The following SUMF1 variants were observed in gnomAD, a reference collection of about 807,000 sequenced individuals.
SUMF1 encodes the protein formylglycine-generating enzyme.
In SUMF1, 48 loss-of-function variants were observed where a neutral mutation model predicts 47.6. The ratio of observed to expected loss-of-function variants is 1.01; its 90% confidence interval spans 0.80 to 1.28. SUMF1 has a LOEUF of 1.28. Among genes scored for constraint, SUMF1 ranks in the 50% most tolerant of loss-of-function variants. The pLI, the probability that SUMF1 is intolerant of heterozygous loss-of-function variation, is 0.00. For synonymous variants in SUMF1, 230 were observed against 192.1 expected, an observed-to-expected ratio of 1.20 and a Z score of -1.63; for missense variants, 571 against 485.4, an observed-to-expected ratio of 1.18 and a Z score of -1.66.
intron 9 of SUMF1, among the ~76,000 whole-genome samples, chr3:4,035,893 C>A (rs1012170649): frequency 2.6e-5 from 4 of 152,116 alleles, no homozygotes; most frequent in Non-Finnish European, 5.9e-5. Flanking sequence ...GTTAGAGACA[C>A]TGCAGTTTAG....
intron 8 of SUMF1, among the ~76,000 whole-genome samples, chr3:4,263,055 A>T (rs1697118910): frequency 6.6e-6 from 1 of 152,148 alleles, no homozygotes; most frequent in Non-Finnish European, 1.5e-5. Context: ...TTTATTTTTT[A>T]AATGGGGGTG....
intron 8 of SUMF1, among the ~76,000 whole-genome samples, chr3:4,230,820 A>C (rs1458908487): frequency 6.6e-6 from 1 of 151,952 alleles, no homozygotes; most frequent in Non-Finnish European, 1.5e-5. Context: ...AACAAAAGAC[A>C]CTCCTATCAC....
intron 8 of SUMF1, among the ~76,000 whole-genome samples, chr3:4,237,017 C>T (rs1421097804): frequency 6.6e-6 from 1 of 152,058 alleles, no homozygotes; most frequent in East Asian, 1.9e-4. Flanking sequence ...AAATTGGCTT[C>T]TTTCACTTAG....
intron 8 of SUMF1, among the ~76,000 whole-genome samples, chr3:4,351,352 G>C (rs866931346): frequency 6.6e-6 from 1 of 152,170 alleles, no homozygotes; most frequent in African/African-American, 2.4e-5. Context: ...CACAGAGTTA[G>C]GAGAAGCAAG....
chr3:4,317,318 C>T, intron 8 of SUMF1: 1 of 913,198 alleles, frequency 1.1e-6, no homozygotes, highest in Admixed American at 2.7e-5. Flanking sequence ...TTTGCACCAA[C>T]CCAATATCTT....
At chr3:4,448,048 A>C (rs573792493) in intron 3 of SUMF1, among the ~76,000 whole-genome samples, 1 of 68,876 alleles carries the variant, frequency 1.5e-5, no homozygotes, top group East Asian at 3.1e-4. Flanking sequence ...TAAAAAAAAA[A>C]GTAGGGCGGA....
chr3:4,299,757 C>G (rs967677259), intron 8 of SUMF1, among the ~76,000 whole-genome samples: 1 of 152,110 alleles, frequency 6.6e-6, no homozygotes, highest in African/African-American at 2.4e-5. Flanking sequence ...TTGCAGTGAG[C>G]CAGGATGGCG....
chr3:4,264,968 T>A (rs943070783), intron 8 of SUMF1, among the ~76,000 whole-genome samples: 1 of 152,016 alleles, frequency 6.6e-6, no homozygotes, highest in East Asian at 1.9e-4. Flanking sequence ...ACCCTATCTC[T>A]ACTAAAAATA....
At chr3:4,077,137 G>T (rs191442879) in intron 8 of SUMF1, among the ~76,000 whole-genome samples, 2 of 152,106 alleles carry the variant, frequency 1.3e-5, no homozygotes, top group Non-Finnish European at 2.9e-5. Context: ...AATGGTGATC[G>T]TTAAAAAGTC....
chr3:4,035,454 G>A lies in SUMF1; in HGVS notation c.1191+33115C>T, dbSNP rs75620266. On this transcript the variant is annotated intron_variant and NMD_transcript_variant, in intron 9 of 12. Coordinates refer to the SUMF1 transcript ENST00000448413. ...TATCATCCTCTTTTGTCTCTTATGA[G>A]AGCATCTGTGATTGGATTAAGATCC... is the stretch of plus-strand genomic sequence containing the variant. Among the ~76,000 whole-genome samples, 784 of 152,232 alleles carry A rather than the reference G, an allele frequency of 5.2e-3. 9 individuals are homozygous for A. The highest frequency in any genetic ancestry group is 0.018 in the African/African-American group (754 of 41,560).
chr3:4,346,828 A>G (rs1055719526), intron 8 of SUMF1, among the ~76,000 whole-genome samples: 8 of 152,210 alleles, frequency 5.3e-5, no homozygotes, highest in African/African-American at 1.9e-4. Flanking sequence ...AAATAGATGC[A>G]ATAAAAAAAT....
intron 8 of SUMF1, among the ~76,000 whole-genome samples, chr3:4,175,937 C>A (rs551973923): frequency 6.6e-6 from 1 of 152,116 alleles, no homozygotes; most frequent in South Asian, 2.1e-4. Flanking sequence ...GAAAGGGTAT[C>A]AGTGAATGAA....
intron 8 of SUMF1, among the ~76,000 whole-genome samples, chr3:4,194,135 T>C (rs1029035984): frequency 1.3e-5 from 2 of 152,150 alleles, no homozygotes; most frequent in East Asian, 3.9e-4. Context: ...TAGGCACTTA[T>C]AGATACTGAG....
At chr3:4,340,105 G>GCGCACA (rs1553559568) in intron 8 of SUMF1, among the ~76,000 whole-genome samples, 4,786 of 150,652 alleles carry the variant, frequency 0.032, 269 homozygotes, top group South Asian at 0.26. Flanking sequence ...GCACCAATGT[G>GCGCACA]CACACACACA....
At chr3:4,315,049 T>C (rs1189877004) in intron 8 of SUMF1, among the ~76,000 whole-genome samples, 2 of 152,194 alleles carry the variant, frequency 1.3e-5, no homozygotes, top group African/African-American at 2.4e-5. Context: ...GGGTTTATAA[T>C]GTTCATATAA....
At chr3:4,090,951 C>G (rs1024433054) in intron 8 of SUMF1, among the ~76,000 whole-genome samples, 1 of 151,888 alleles carries the variant, frequency 6.6e-6, no homozygotes, top group Non-Finnish European at 1.5e-5. Context: ...TGTGGAGGCA[C>G]GCACCCATAA....
intron 8 of SUMF1, among the ~76,000 whole-genome samples, chr3:4,220,183 T>G (rs781360949): frequency 8.5e-5 from 13 of 152,164 alleles, no homozygotes; most frequent in Non-Finnish European, 1.6e-4. Flanking sequence ...CCAAGTTAAT[T>G]CTGTGAGCAT....
intron 9 of SUMF1, among the ~76,000 whole-genome samples, chr3:4,061,489 T>C (rs1695275919): frequency 6.6e-6 from 1 of 152,162 alleles, no homozygotes; most frequent in African/African-American, 2.4e-5. Flanking sequence ...TTCCCTGCTA[T>C]ATAAACCCCT....
intron 8 of SUMF1, chr3:4,313,314 T>C: frequency 6.2e-7 from 1 of 1,614,034 alleles, no homozygotes; most frequent in Non-Finnish European, 8.5e-7. Flanking sequence ...CCGACTCCAA[T>C]TACATTATAG....
Sources: allele counts gnomAD v4.1 joint callset (sites outside exome capture counted in the v4.1 genomes callset), GRCh38; gene constraint gnomAD v4.1.1; transcripts MANE v1.5; gene names NCBI Gene and HGNC (gene_info 2026-07-23, HGNC 2026-07-21).